Variants in PTN observed in about 807,000 individuals in gnomAD.
PTN encodes the protein pleiotrophin, also known as heparin affin regulatory protein.
In PTN, 18 loss-of-function variants were observed where a neutral mutation model predicts 24.1. The observed-to-expected ratio is 0.75, with a 90% CI of 0.52 to 1.11. The LOEUF is 1.11. Ranked by LOEUF, PTN falls within the 50% of genes least tolerant of loss-of-function variation. PTN has a pLI of 0.00. For synonymous variants in PTN, 78 were observed against 68.6 expected, an observed-to-expected ratio of 1.14 and a Z score of -0.67; for missense variants, 163 against 198.8, an observed-to-expected ratio of 0.82 and a Z score of 1.08.
intron 4 of PTN, among the ~76,000 whole-genome samples, chr7:137,246,063 T>C (rs537894653): frequency 2.0e-5 from 3 of 152,316 alleles, no homozygotes; most frequent in East Asian, 1.9e-4. Context: ...GTCTATGGTA[T>C]TGTACACTAA....
intron 1 of PTN, among the ~76,000 whole-genome samples, chr7:137,255,369 C>G (rs961738723): frequency 5.9e-5 from 9 of 152,158 alleles, no homozygotes; most frequent in Non-Finnish European, 8.8e-5. Context: ...ATATTAGAAA[C>G]AACCACAGCA....
intron 1 of PTN, among the ~76,000 whole-genome samples, chr7:137,261,261 C>T (rs893442906): frequency 6.6e-6 from 1 of 152,066 alleles, no homozygotes; most frequent in South Asian, 2.1e-4. Context: ...TAGGGATGCT[C>T]AGCTTCAATG....
intron 1 of PTN, among the ~76,000 whole-genome samples, chr7:137,306,454 A>C (rs1022612761): frequency 2.0e-5 from 3 of 152,078 alleles, no homozygotes; most frequent in Admixed American, 6.6e-5. Context: ...GAGGCCATCC[A>C]TACTCACGAA....
intron 1 of PTN, among the ~76,000 whole-genome samples, chr7:137,288,875 T>C (rs1043062467): frequency 2.0e-5 from 3 of 152,134 alleles, no homozygotes; most frequent in African/African-American, 7.2e-5. Flanking sequence ...TGGATTTAAT[T>C]TTAAAACGCC....
At chr7:137,327,125 G>T (rs1810276179) in intron 1 of PTN, among the ~76,000 whole-genome samples, 1 of 152,080 alleles carries the variant, frequency 6.6e-6, no homozygotes, top group African/African-American at 2.4e-5. Context: ...AGGATCAAGG[G>T]GTAGGGTAAG....
intron 1 of PTN, among the ~76,000 whole-genome samples, chr7:137,300,042 C>G (rs1809781903): frequency 6.6e-6 from 1 of 151,614 alleles, no homozygotes; most frequent in African/African-American, 2.4e-5. Flanking sequence ...GATGAAGTGG[C>G]TGCCCGCCAT....
rs933652808 is a variant in PTN at position 137,301,675 on chromosome 7, T to C, written c.-2+41764A>G. Among the ~76,000 whole-genome samples, 32 of 152,014 alleles carry C rather than the reference T, an allele frequency of 2.1e-4. 1 individual carries two copies. The highest frequency in any genetic ancestry group is 7.7e-4 in the African/African-American group (32 of 41,494). On this transcript the variant is annotated intron_variant, in intron 1 of 4. Transcript: ENST00000348225. ...TGGAAAGTACCAATGAGCTCCTTTA[T>C]AGACACAGAATGAGCAGGACTCTAG...
At chr7:137,249,630 A>G (rs1463475214) in intron 4 of PTN, among the ~76,000 whole-genome samples, 1 of 152,208 alleles carries the variant, frequency 6.6e-6, no homozygotes, top group Admixed American at 6.5e-5. Context: ...TGACTACAGT[A>G]ACTCTGAGTT....
chr7:137,279,742 G>C (rs1809434935), intron 1 of PTN, among the ~76,000 whole-genome samples: 1 of 152,182 alleles, frequency 6.6e-6, no homozygotes, highest in Admixed American at 6.5e-5. Context: ...ATGGATCCAT[G>C]AAGAATTTTG....
In PTN at chr7:137,310,410, T is replaced by G. The variant is rs1294692666; in HGVS notation, c.-2+33029A>C. 1.4e-4 allele frequency among the ~76,000 whole-genome samples: 21 copies of G among 150,578 alleles called. No homozygotes were observed. In the East Asian group the frequency reaches 1.9e-3, roughly 14 times the overall value. On this transcript the variant is annotated intron_variant, in intron 1 of 4. Transcript: ENST00000348225. ...ACCATGTTTTTTTTTTTTTGTTTTT[T>G]TTTTTTTTGAGATAGTCTCATTCTG...
intron 3 of PTN, among the ~76,000 whole-genome samples, chr7:137,252,287 G>T (rs1392493758): frequency 6.6e-6 from 1 of 151,848 alleles, no homozygotes; most frequent in Non-Finnish European, 1.5e-5. Context: ...ATAAGGAAAA[G>T]ATGCTGAATA....
chr7:137,279,150 A>C (rs566063136), intron 1 of PTN, among the ~76,000 whole-genome samples: 1 of 152,014 alleles, frequency 6.6e-6, no homozygotes, highest in African/African-American at 2.4e-5. Context: ...AAAAACATTA[A>C]AATCTTTTTA....
Position 137,253,489 on chromosome 7 carries a change from G to C in PTN, c.264C>G (p.Pro88=). ...QTMKTQRCKI[P]CNWKKQFGAE... is the part of the protein sequence containing the mutation. ...CGCCAAATTGCTTCTTCCAGTTGCA[G>C]GGGATCTTACATCTCTGGGTCTTCA... is the stretch of plus-strand genomic sequence containing the variant. The change falls in exon 3 of 5, where the codon CCC becomes CCG. Residue 88 remains proline (P), a synonymous_variant. Coordinates refer to ENST00000348225, the MANE Select transcript of PTN (RefSeq NM_002825.7). 1 of 1,609,716 alleles carries C rather than the reference G, an allele frequency of 6.2e-7. No individual in the cohort carries two copies. Among genetic ancestry groups the C allele is most frequent in the South Asian group, 1.1e-5 (1 of 89,958 alleles).
intron 1 of PTN, among the ~76,000 whole-genome samples, chr7:137,282,992 G>C (rs945388728): frequency 6.6e-6 from 1 of 152,104 alleles, no homozygotes; most frequent in Non-Finnish European, 1.5e-5. Flanking sequence ...TTTCTCCGCT[G>C]TCTGTAATTT....
chr7:137,234,558 T>C (rs1452618438), intron 4 of PTN, among the ~76,000 whole-genome samples: 4 of 152,108 alleles, frequency 2.6e-5, no homozygotes, highest in Non-Finnish European at 5.9e-5. Context: ...AGAATTGCCA[T>C]GTAGTTGGTA....
chr7:137,305,290 G>A (rs538820468), intron 1 of PTN, among the ~76,000 whole-genome samples: 32 of 152,118 alleles, frequency 2.1e-4, no homozygotes, highest in African/African-American at 7.7e-4. Flanking sequence ...CTGAAAACCT[G>A]TTTTGTCTTT....
At chr7:137,301,792 TTTTG>T (rs1195245280) in intron 1 of PTN, among the ~76,000 whole-genome samples, 1 of 151,946 alleles carries the variant, frequency 6.6e-6, no homozygotes, top group African/African-American at 2.4e-5. Context: ...TTTTATCCTG[TTTTG>T]TTTGCTTTTT....
At chr7:137,328,211 T>C (rs148738212) in intron 1 of PTN, among the ~76,000 whole-genome samples, 4 of 152,340 alleles carry the variant, frequency 2.6e-5, no homozygotes, top group African/African-American at 9.6e-5. Context: ...GCTTTTACCC[T>C]AGCTCTTGTA....
intron 1 of PTN, among the ~76,000 whole-genome samples, chr7:137,322,270 T>G (rs778258104): frequency 6.6e-6 from 1 of 152,208 alleles, no homozygotes; most frequent in Non-Finnish European, 1.5e-5. Flanking sequence ...TCAATAAATA[T>G]TTGATTGAGG....
Sources: gnomAD v4.1 joint callset for allele counts (sites outside exome capture counted in the v4.1 genomes callset) on GRCh38, gnomAD v4.1.1 for gene constraint, MANE v1.5 for transcripts, NCBI Gene and HGNC (gene_info 2026-07-23, HGNC 2026-07-21) for gene names.